The following PLD5 variants were observed in gnomAD, a reference collection of about 807,000 sequenced individuals.
PLD5 encodes phospholipase D family member 5.
PLD5 carries 36 observed loss-of-function variants against 61.1 expected under a neutral mutation model. That is an observed-to-expected ratio of 0.59 (90% CI 0.45 to 0.78). The LOEUF (loss-of-function observed/expected upper bound fraction) is 0.78. Among genes scored for constraint, PLD5 ranks in the 30% least tolerant of loss-of-function variants. PLD5 has a pLI of 0.00. For synonymous variants in PLD5, 243 were observed against 242.8 expected (o/e 1.00, Z -0.01); for missense variants, 515 against 644.4 (o/e 0.80, Z 2.17).
chr1:242,112,315 G>GTGTGTATGTAAGTATA (rs1661577183), intron 7 of PLD5, among the ~76,000 whole-genome samples: 2 of 109,098 alleles, frequency 1.8e-5, no homozygotes, highest in African/African-American at 4.5e-5. Flanking sequence ...GTGTGTGTGT[G>GTGTGTATGTAAGTATA]TGTGTGTGTA....
rs56098544 is a variant in PLD5 at position 242,191,700 on chromosome 1, A to G, written c.735+28288T>C. Among the ~76,000 whole-genome samples the G allele has an allele frequency of 9.3e-3, 1,413 of 152,320 alleles. 20 individuals carry two copies. The highest frequency in any genetic ancestry group is 0.033 in the African/African-American group (1,356 of 41,568). ...GAAAAGGTGGAAGGCAGATTAGGAC[A>G]GATAGAATGCTAGACGTAAGAATGT... is the stretch of plus-strand genomic sequence containing the variant. On this transcript the variant is annotated intron_variant, in intron 5 of 9. Transcript: ENST00000536534.
At chr1:242,481,996 G>A (rs1667794419) in intron 1 of PLD5, among the ~76,000 whole-genome samples, 1 of 152,194 alleles carries the variant, frequency 6.6e-6, no homozygotes, top group South Asian at 2.1e-4. Context: ...GCAGCTGAGG[G>A]TCCTGATTGT....
intron 4 of PLD5, among the ~76,000 whole-genome samples, chr1:242,224,840 A>G (rs1670822918): frequency 6.6e-6 from 1 of 152,222 alleles, no homozygotes; most frequent in Admixed American, 6.5e-5. Flanking sequence ...ATATTAAGGT[A>G]CAATTTACTT....
intron 1 of PLD5, among the ~76,000 whole-genome samples, chr1:242,423,008 T>C (rs1387873453): frequency 1.3e-5 from 2 of 151,776 alleles, no homozygotes; most frequent in Non-Finnish European, 2.9e-5. Context: ...GCCACCATAC[T>C]TGGCTATTTT....
chr1:242,509,807 A>T (rs2654891), intron 1 of PLD5, among the ~76,000 whole-genome samples: 34,053 of 152,118 alleles, frequency 0.22, 4,146 homozygotes, highest in African/African-American at 0.3. Flanking sequence ...AGTCAGGAGG[A>T]TGAGAAGACA....
intron 2 of PLD5, among the ~76,000 whole-genome samples, chr1:242,338,348 C>T (rs142140822): frequency 0.023 from 3,538 of 152,166 alleles, 127 homozygotes; most frequent in African/African-American, 0.08. Flanking sequence ...AGGGCCTCTT[C>T]CTGACAAGGC....
intron 1 of PLD5, among the ~76,000 whole-genome samples, chr1:242,429,559 T>C (rs964069185): frequency 2.0e-5 from 3 of 152,212 alleles, no homozygotes; most frequent in Non-Finnish European, 4.4e-5. Context: ...GGAAATGCTC[T>C]TTATGCATTT....
At chr1:242,168,568 G>T (rs1666491060) in intron 5 of PLD5, among the ~76,000 whole-genome samples, 1 of 152,134 alleles carries the variant, frequency 6.6e-6, no homozygotes, top group African/African-American at 2.4e-5. Context: ...GGCTCTTAAA[G>T]GTTTTGGGGC....
chr1:242,325,693 A>G (rs1658729516), intron 2 of PLD5, among the ~76,000 whole-genome samples: 1 of 152,040 alleles, frequency 6.6e-6, no homozygotes, highest in Admixed American at 6.6e-5. Flanking sequence ...TACAGTTTAC[A>G]CATTTCCCAA....
intron 5 of PLD5, among the ~76,000 whole-genome samples, chr1:242,191,244 A>G (rs561263835): frequency 1.3e-5 from 2 of 152,024 alleles, no homozygotes; most frequent in South Asian, 4.2e-4. Context: ...TTTAGAAACT[A>G]TAGTTTTGAG....
In PLD5 at chr1:242,256,908, CATCT is replaced by C. The variant is rs71176734; in HGVS notation, c.607+8425_607+8428del. Reference sequence around the variant, plus strand: ...TCCCTCTTCTTTCTCTTTCTTTTTTCATCTATCTATCTATCTATCTATCTAATCT... The same window carrying C: ...TCCCTCTTCTTTCTCTTTCTTTTTTCATCTATCTATCTATCTATCTAATCT... On this transcript the variant is annotated intron_variant, in intron 4 of 9. Coordinates refer to ENST00000536534, the MANE Select transcript of PLD5 (RefSeq NM_001372062.1). The surrounding 1 kb of genome is among the most constrained non-coding windows in gnomAD (Gnocchi z 5.7). Among the ~76,000 whole-genome samples the C allele has an allele frequency of 0.42, 62,266 of 149,382 alleles. 13,214 individuals are homozygous for C. The highest frequency in any genetic ancestry group is 0.54 in the South Asian group (2,485 of 4,644).
chr1:242,442,654 T>C (rs1405693948), intron 1 of PLD5, among the ~76,000 whole-genome samples: 1 of 152,186 alleles, frequency 6.6e-6, no homozygotes, highest in African/African-American at 2.4e-5. Flanking sequence ...TTGTGCACTT[T>C]TTCAGTTTTT....
At chr1:242,091,625 C>T (rs1659830764) in intron 9 of PLD5, among the ~76,000 whole-genome samples, 1 of 152,084 alleles carries the variant, frequency 6.6e-6, no homozygotes, top group African/African-American at 2.4e-5. Flanking sequence ...TGTCATTACA[C>T]CAAGAATGTT....
intron 1 of PLD5, among the ~76,000 whole-genome samples, chr1:242,449,112 C>A (rs1169731921): frequency 1.3e-5 from 2 of 152,170 alleles, no homozygotes; most frequent in Non-Finnish European, 2.9e-5. Context: ...CCTGGCAGAG[C>A]CCAGCGAAGT....
At chr1:242,346,798 C>T (rs1332421696) in intron 2 of PLD5, among the ~76,000 whole-genome samples, 2 of 152,250 alleles carry the variant, frequency 1.3e-5, no homozygotes, top group East Asian at 1.9e-4. Context: ...TGATGCTCTC[C>T]GTCCTCCCAC....
At chr1:242,150,340 C>A (rs1326968494) in intron 5 of PLD5, among the ~76,000 whole-genome samples, 1 of 151,686 alleles carries the variant, frequency 6.6e-6, no homozygotes, top group Admixed American at 6.6e-5. Flanking sequence ...ACAGTGTTTT[C>A]AAGTTTTCTA....
intron 9 of PLD5, among the ~76,000 whole-genome samples, chr1:242,094,329 C>G (rs184910354): frequency 1.2e-3 from 180 of 152,234 alleles, no homozygotes; most frequent in South Asian, 1.9e-3. Context: ...TTCAAACCAT[C>G]TTCTAGACAA....
chr1:242,525,503 T>C (rs1057449821), upstream of PLD5, among the ~76,000 whole-genome samples: 14 of 152,242 alleles, frequency 9.2e-5, no homozygotes, highest in Non-Finnish European at 2.1e-4. Flanking sequence ...TTATTAGGAA[T>C]AGGGTGGCTT....
chr1:242,313,887 T>G (rs1206604245), intron 2 of PLD5, among the ~76,000 whole-genome samples: 1 of 151,946 alleles, frequency 6.6e-6, no homozygotes, highest in East Asian at 1.9e-4. Flanking sequence ...CATTGCAGGG[T>G]TTTCAAGGTG....
Sources: allele counts gnomAD v4.1 joint callset (sites outside exome capture counted in the v4.1 genomes callset), GRCh38; gene constraint gnomAD v4.1.1; non-coding constraint Gnocchi (gnomAD v3.1); transcripts MANE v1.5; gene names NCBI Gene and HGNC (gene_info 2026-07-23, HGNC 2026-07-21).